Variants in CDH18 observed in about 807,000 individuals in gnomAD.
CDH18 encodes the protein cadherin 18.
CDH18 carries 31 observed loss-of-function variants against 67.9 expected under a neutral mutation model. That is an observed-to-expected ratio of 0.46 (90% CI 0.34 to 0.62). The LOEUF (loss-of-function observed/expected upper bound fraction) is 0.62. Ranked by LOEUF, CDH18 falls within the 20% of genes least tolerant of loss-of-function variation. The pLI is 0.01. For missense variants in CDH18, 890 were observed against 975.5 expected, an observed-to-expected ratio of 0.91 and a Z score of 1.17; for synonymous variants, 362 against 347.2, an observed-to-expected ratio of 1.04 and a Z score of -0.48.
At chr5:19,550,698 G>C (rs140627394) in intron 8 of CDH18, among the ~76,000 whole-genome samples, 1 of 130,430 alleles carries the variant, frequency 7.7e-6, no homozygotes, top group African/African-American at 2.6e-5. Flanking sequence ...AGTCTTTGCT[G>C]TTGTGAATAG....
At chr5:19,716,451 G>C (rs770844299) in intron 5 of CDH18, among the ~76,000 whole-genome samples, 18 of 151,834 alleles carry the variant, frequency 1.2e-4, no homozygotes, top group Non-Finnish European at 1.9e-4. Flanking sequence ...TGGTAGAAAG[G>C]CCAAGTAAGC....
At chr5:20,043,284 A>G (rs1332466446) in intron 2 of CDH18, among the ~76,000 whole-genome samples, 1 of 152,140 alleles carries the variant, frequency 6.6e-6, no homozygotes, top group Non-Finnish European at 1.5e-5. Flanking sequence ...TCCTCATGAT[A>G]GCGAAAATTT....
intron 1 of CDH18, among the ~76,000 whole-genome samples, chr5:20,507,166 G>A (rs1453160571): frequency 6.6e-6 from 1 of 152,190 alleles, no homozygotes; most frequent in East Asian, 1.9e-4. Context: ...TTTTGAGCCA[G>A]CCCAGTGACA....
intron 1 of CDH18, among the ~76,000 whole-genome samples, chr5:20,408,233 G>A (rs958745621): frequency 9.2e-5 from 14 of 152,004 alleles, no homozygotes. Context: ...ATCACCACTA[G>A]ACTTACCTTA....
At chr5:20,364,194 G>A (rs4380662) in intron 1 of CDH18, among the ~76,000 whole-genome samples, 151,464 of 152,256 alleles carry the variant, frequency 0.99, 75,343 homozygotes, top group Middle Eastern at 1. Context: ...AATCATTTAA[G>A]TAAAAGTGGT....
intron 1 of CDH18, among the ~76,000 whole-genome samples, chr5:20,439,654 AC>A (rs1749455424): frequency 6.6e-6 from 1 of 151,674 alleles, no homozygotes; most frequent in South Asian, 2.1e-4. Flanking sequence ...ACTTGATATA[AC>A]CCTACATGGC....
intron 2 of CDH18, among the ~76,000 whole-genome samples, chr5:19,926,295 A>G (rs973010002): frequency 3.3e-5 from 5 of 152,178 alleles, no homozygotes; most frequent in Non-Finnish European, 5.9e-5. Context: ...TTAAAACTAT[A>G]AAACAAATAA....
chr5:20,559,878 A>C (rs1758105193), intron 1 of CDH18, among the ~76,000 whole-genome samples: 1 of 152,168 alleles, frequency 6.6e-6, no homozygotes, highest in Non-Finnish European at 1.5e-5. Context: ...AAAATTAATT[A>C]GGGAGATGTG....
intron 5 of CDH18, among the ~76,000 whole-genome samples, chr5:19,701,659 A>G (rs1397099144): frequency 6.6e-6 from 1 of 152,016 alleles, no homozygotes; most frequent in Non-Finnish European, 1.5e-5. Flanking sequence ...GCAAGAATAA[A>G]GAGAAGATAG....
intron 2 of CDH18, among the ~76,000 whole-genome samples, chr5:20,101,995 C>T (rs1349534178): frequency 1.3e-5 from 2 of 151,996 alleles, no homozygotes; most frequent in Admixed American, 6.6e-5. Flanking sequence ...TGCTTGAACC[C>T]GGGAGGCAGA....
At chr5:19,772,538 A>G (rs1391431) in intron 3 of CDH18, among the ~76,000 whole-genome samples, 15,701 of 152,188 alleles carry the variant, frequency 0.1, 1,133 homozygotes, top group Non-Finnish European at 0.14. Context: ...AGAGTCTCCA[A>G]AAGAAAAGCA....
chr5:19,528,712 GA>G (rs1297628024), intron 9 of CDH18, among the ~76,000 whole-genome samples: 23 of 151,790 alleles, frequency 1.5e-4, no homozygotes, highest in Non-Finnish European at 3.1e-4. Context: ...AGTGAGGGAA[GA>G]ACTTGAAGAT....
At position 20,543,881 on chromosome 5, in the gene CDH18, T is replaced by C. The variant is rs561577177; in HGVS notation, c.-580+31581A>G. The stretch of plus-strand genomic sequence containing the variant: ...ACAAAAAGTAGAAGGTAGAAACTGA[T>C]TGTATCAGAATTTTTCTGAGGAAAC... On this transcript the variant is annotated intron_variant, in intron 1 of 14. Coordinates refer to the CDH18 transcript ENST00000507958. 1.3e-5 allele frequency among the ~76,000 whole-genome samples: 2 copies of C among 152,318 alleles called. 1 individual carries two copies. Among genetic ancestry groups the C allele is most frequent in the South Asian group, 4.1e-4 (2 of 4,824 alleles).
chr5:19,989,527 G>A (rs551011257), upstream of CDH18, among the ~76,000 whole-genome samples: 1 of 152,100 alleles, frequency 6.6e-6, no homozygotes, highest in South Asian at 2.1e-4. Flanking sequence ...CACTTTAGCA[G>A]GTCTCTGTGA....
chr5:20,147,394 A>G (rs1750730565), intron 2 of CDH18, among the ~76,000 whole-genome samples: 1 of 152,184 alleles, frequency 6.6e-6, no homozygotes, highest in South Asian at 2.1e-4. Context: ...GCTCAGCCAG[A>G]AGCATTATTA....
rs972620796 is a variant in CDH18, at chr5:19,856,961, G to T, written c.-256-17719C>A. Reference sequence around the variant, plus strand: ...AGGCAGGTTGGGCAAGATCACTCACGATTGTAATCCCAACACTTTGGAAGG... The same window carrying T: ...AGGCAGGTTGGGCAAGATCACTCACTATTGTAATCCCAACACTTTGGAAGG... On this transcript the variant is annotated intron_variant, in intron 2 of 12. Transcript: ENST00000382275. Among the ~76,000 whole-genome samples, 5 of 152,014 alleles carry T rather than the reference G, an allele frequency of 3.3e-5. No individual in the cohort carries two copies. In the South Asian group the frequency reaches 1.0e-3, roughly 32 times the overall value.
At chr5:20,180,063 G>A (rs772158259) in intron 2 of CDH18, among the ~76,000 whole-genome samples, 1 of 152,142 alleles carries the variant, frequency 6.6e-6, no homozygotes, top group Non-Finnish European at 1.5e-5. Context: ...GACAATGCCA[G>A]GTTGGACTGC....
At chr5:19,554,080 G>A (rs933195735) in intron 8 of CDH18, among the ~76,000 whole-genome samples, 2 of 152,202 alleles carry the variant, frequency 1.3e-5, no homozygotes, top group East Asian at 3.9e-4. Context: ...CTAAAAAAAA[G>A]AAGGTATAAT....
In CDH18 at chr5:19,495,959, C is replaced by T. The variant is rs114757764; in HGVS notation, c.1630+7033G>A. On this transcript the variant is annotated intron_variant, in intron 11 of 12. Transcript: ENST00000382275. ...GGGAGTTTTTGGAAGTTTCCTGGAT[C>T]TACAATTAAATTGGAAATTGAGGGA... Among the ~76,000 whole-genome samples, 908 of 152,090 alleles carry T rather than the reference C, an allele frequency of 6.0e-3. 8 individuals carry two copies. The highest frequency in any genetic ancestry group is 0.021 in the African/African-American group (877 of 41,494).
Sources: allele counts gnomAD v4.1 joint callset (sites outside exome capture counted in the v4.1 genomes callset), GRCh38; gene constraint gnomAD v4.1.1; transcripts MANE v1.5; gene names NCBI Gene and HGNC (gene_info 2026-07-23, HGNC 2026-07-21).